ZDHHC21: variants seen among roughly 807,000 people sequenced by gnomAD.
The protein encoded by ZDHHC21 is palmitoyltransferase ZDHHC21.
A neutral mutation model predicts 34.6 loss-of-function variants in ZDHHC21; 15 were observed. That is an observed-to-expected ratio of 0.43 (90% CI 0.29 to 0.67). The LOEUF (loss-of-function observed/expected upper bound fraction) is 0.67, where lower values mean the gene tolerates loss of function less well. ZDHHC21 is among the 30% of genes least tolerant of loss of function. ZDHHC21 has a pLI of 0.14. For synonymous variants in ZDHHC21, 142 were observed against 101.8 expected (o/e 1.40, Z -2.38); for missense variants, 344 against 327.7 (o/e 1.05, Z -0.38).
intron 2 of ZDHHC21, among the ~76,000 whole-genome samples, chr9:14,685,022 C>G (rs1211437901): frequency 2.0e-5 from 3 of 152,186 alleles, no homozygotes; most frequent in Non-Finnish European, 4.4e-5. Context: ...GAAACTGGAT[C>G]CCTTCCTTAA....
At position 14,693,411 on chromosome 9, in the gene ZDHHC21, G is replaced by A. The variant is rs917875400; in HGVS notation, c.-407C>T. The A allele has an allele frequency of 3.4e-6, 1 of 292,748 alleles. No individual in the cohort carries two copies. The highest frequency in any genetic ancestry group is 6.6e-6 in the Non-Finnish European group (1 of 151,200). 18.1% of individuals were successfully genotyped at this position (292,748 alleles called of 1,614,324 possible). Reference sequence around the variant, plus strand: ...CGAGTGGGTGTCCGCATGCCCGCGCGCCCGCGTGGGGAGGGACGACTGCCG... The same window carrying A: ...CGAGTGGGTGTCCGCATGCCCGCGCACCCGCGTGGGGAGGGACGACTGCCG... On this transcript the variant is annotated 5_prime_UTR_variant, in exon 1 of 10. Transcript: ENST00000380916.
intron 8 of ZDHHC21, among the ~76,000 whole-genome samples, chr9:14,631,235 G>A (rs1026969934): frequency 7.3e-4 from 111 of 152,292 alleles, no homozygotes; most frequent in Non-Finnish European, 2.2e-4. Context: ...ATCAGCACTT[G>A]CTGCTTCACC....
At position 14,642,648 on chromosome 9, in the gene ZDHHC21, C is replaced by T. The variant is rs566050994; in HGVS notation, c.505-2636G>A. On this transcript the variant is annotated intron_variant, in intron 7 of 9. Coordinates refer to ENST00000380916, the MANE Select transcript of ZDHHC21 (RefSeq NM_178566.6). ...CACTGAGAGACACCATGGATGTTCC[C>T]GGAGGAAAGACCATGTGGGGACAGA... Among the ~76,000 whole-genome samples the T allele has an allele frequency of 5.3e-5, 8 of 152,044 alleles. 1 individual carries two copies. The South Asian group carries it at 6.2e-4, about 12-fold the overall frequency.
intron 3 of ZDHHC21, among the ~76,000 whole-genome samples, chr9:14,675,586 C>G (rs1173599399): frequency 6.6e-6 from 1 of 151,974 alleles, no homozygotes; most frequent in Non-Finnish European, 1.5e-5. Flanking sequence ...GTTGAACTCA[C>G]TTAGTTCAAC....
chr9:14,612,089 T>C lies in ZDHHC21; in HGVS notation c.*6877A>G, dbSNP rs979260752. 2 of 152,150 alleles carry C rather than the reference T, an allele frequency of 1.3e-5. No homozygotes were observed. The highest frequency in any genetic ancestry group is 1.3e-4 in the Admixed American group (2 of 15,252). The allele number at this position is 152,150 out of a possible 1,614,324, so 9.4% of individuals were successfully genotyped here. On this transcript the variant is annotated 3_prime_UTR_variant, in exon 10 of 10. Transcript: ENST00000380916. ...ATATTGTTGGCAGATTAGAGAGAGATAATGTTGCTTCATCTCATTAGGCTT... is the reference window on the plus strand; with the variant it reads ...ATATTGTTGGCAGATTAGAGAGAGACAATGTTGCTTCATCTCATTAGGCTT...
chr9:14,664,125 A>G (rs1196665591), intron 5 of ZDHHC21, among the ~76,000 whole-genome samples: 2 of 152,104 alleles, frequency 1.3e-5, no homozygotes, highest in Non-Finnish European at 2.9e-5. Context: ...GGAGTGCCAG[A>G]CAGTGGGCGC....
intron 8 of ZDHHC21, among the ~76,000 whole-genome samples, chr9:14,638,624 T>A (rs1828730423): frequency 6.6e-6 from 1 of 151,740 alleles, no homozygotes; most frequent in South Asian, 2.1e-4. Context: ...CACTTGAACT[T>A]TTTGCTTGAC....
rs1249139136 is a variant in ZDHHC21, at chr9:14,612,353, G to A, written c.*6613C>T. 6.6e-6 allele frequency: 1 copy of A among 151,836 alleles called. No individual in the cohort carries two copies. Among genetic ancestry groups the A allele is most frequent in the Non-Finnish European group, 1.5e-5 (1 of 67,918 alleles). The allele number at this position is 151,836 out of a possible 1,614,324, so 9.4% of individuals were successfully genotyped here. On this transcript the variant is annotated 3_prime_UTR_variant, in exon 10 of 10. Coordinates refer to ENST00000380916, the MANE Select transcript of ZDHHC21 (RefSeq NM_178566.6). Reference sequence around the variant, plus strand: ...CCAATATACACACTGTCACCTTCTTGCCAGAATGATTAACCATTTTAGCTG... The same window carrying A: ...CCAATATACACACTGTCACCTTCTTACCAGAATGATTAACCATTTTAGCTG...
chr9:14,628,448 GACA>G (rs1231054815), intron 8 of ZDHHC21, among the ~76,000 whole-genome samples: 1 of 152,108 alleles, frequency 6.6e-6, no homozygotes, highest in East Asian at 1.9e-4. Context: ...ATCCCAAAGA[GACA>G]ACACTTATTT....
chr9:14,636,014 AAT>A (rs1361453510), intron 8 of ZDHHC21, among the ~76,000 whole-genome samples: 7 of 152,212 alleles, frequency 4.6e-5, no homozygotes, highest in Non-Finnish European at 8.8e-5. Context: ...TATATAAAAC[AAT>A]CAGAAATCAA....
At chr9:14,598,595 A>G in the ZDHHC21 span, among the ~76,000 whole-genome samples, 1 of 152,200 alleles carries the variant, frequency 6.6e-6, no homozygotes, top group Non-Finnish European at 1.5e-5. Context: ...CTCCATCAAA[A>G]GATTCCAACA....
chr9:14,598,983 G>C, the ZDHHC21 span, among the ~76,000 whole-genome samples: 1 of 151,990 alleles, frequency 6.6e-6, no homozygotes, highest in Non-Finnish European at 1.5e-5. Context: ...GGATGGTCTC[G>C]AACTCCTGAG....
intron 1 of ZDHHC21, among the ~76,000 whole-genome samples, chr9:14,690,725 A>G (rs1031117778): frequency 7.9e-5 from 12 of 152,242 alleles, no homozygotes; most frequent in South Asian, 2.1e-4. Context: ...GGACCTATCA[A>G]TGAGCACAGT....
At chr9:14,679,580 TTA>T (rs986199174) in intron 3 of ZDHHC21, among the ~76,000 whole-genome samples, 10 of 152,214 alleles carry the variant, frequency 6.6e-5, no homozygotes, top group African/African-American at 2.2e-4. Flanking sequence ...TTTCAAATAT[TTA>T]TGTGTTCTTC....
intron 7 of ZDHHC21, among the ~76,000 whole-genome samples, chr9:14,656,473 A>T (rs1395351051): frequency 6.6e-6 from 1 of 151,966 alleles, no homozygotes; most frequent in Non-Finnish European, 1.5e-5. Flanking sequence ...AAACTAAAAC[A>T]TTGAGATAAT....
chr9:14,617,092 A>G lies in ZDHHC21; in HGVS notation c.*1874T>C, dbSNP rs1369264089. 6.6e-6 allele frequency: 1 copy of G among 151,886 alleles called. No homozygotes were observed. 9.4% of individuals were successfully genotyped at this position (151,886 alleles called of 1,614,324 possible). A position where few individuals can be genotyped will look rare whatever the true frequency, so the allele number is the denominator to read the frequency against. On this transcript the variant is annotated 3_prime_UTR_variant, in exon 10 of 10. Transcript: ENST00000380916. ...AATATAAGGCATTCAACTGATATCT[A>G]CCTACCTTATCTATATATTACTTCC...
chr9:14,635,055 C>T (rs1053843238), intron 8 of ZDHHC21, among the ~76,000 whole-genome samples: 3 of 151,810 alleles, frequency 2.0e-5, no homozygotes, highest in African/African-American at 4.8e-5. Context: ...TTCAAAGTTT[C>T]GATAATAGAA....
At chr9:14,605,550 T>TA in the ZDHHC21 span, among the ~76,000 whole-genome samples, 1 of 149,630 alleles carries the variant, frequency 6.7e-6, no homozygotes, top group Admixed American at 6.6e-5. Context: ...ATTTTTTTCT[T>TA]CTATTAAGTT....
intron 7 of ZDHHC21, among the ~76,000 whole-genome samples, chr9:14,644,292 T>A (rs191412502): frequency 1.2e-4 from 19 of 152,330 alleles, no homozygotes; most frequent in African/African-American, 3.6e-4. Context: ...AAATCATTTA[T>A]ACAGTTACAT....
Sources: allele counts gnomAD v4.1 joint callset (sites outside exome capture counted in the v4.1 genomes callset), GRCh38; gene constraint gnomAD v4.1.1; transcripts MANE v1.5; gene names NCBI Gene and HGNC (gene_info 2026-07-23, HGNC 2026-07-21).